NTM: variants seen among roughly 807,000 people sequenced by gnomAD.
NTM encodes the protein IgLON family member 2.
NTM carries 13 observed loss-of-function variants against 42.1 expected under a neutral mutation model. The ratio of observed to expected loss-of-function variants is 0.31; its 90% CI spans 0.20 to 0.49. The LOEUF (loss-of-function observed/expected upper bound fraction) is 0.49. Among genes scored for constraint, NTM ranks in the 20% least tolerant of loss-of-function variants. NTM has a pLI of 0.99. For synonymous variants in NTM, 187 were observed against 179.2 expected, an observed-to-expected ratio of 1.04 and a Z score of -0.35; for missense variants, 373 against 452.8, an observed-to-expected ratio of 0.82 and a Z score of 1.60.
intron 2 of NTM, among the ~76,000 whole-genome samples, chr11:132,075,955 G>A (rs1231711719): frequency 4.6e-5 from 7 of 152,114 alleles, no homozygotes; most frequent in Non-Finnish European, 1.0e-4. Context: ...GGTAAATGTC[G>A]ACAGCATTGG....
chr11:131,797,577 T>C (rs1333831668), intron 1 of NTM, among the ~76,000 whole-genome samples: 3 of 152,222 alleles, frequency 2.0e-5, no homozygotes, highest in African/African-American at 7.2e-5. Flanking sequence ...GTTCTTTTGC[T>C]GATGAAGGCA....
At chr11:131,933,335 C>T (rs1341208526) in intron 2 of NTM, among the ~76,000 whole-genome samples, 1 of 152,152 alleles carries the variant, frequency 6.6e-6, no homozygotes, top group East Asian at 1.9e-4. Context: ...TGCACTTGGC[C>T]GGTTTGTAAG....
At chr11:132,066,266 T>C (rs1419302235) in intron 2 of NTM, among the ~76,000 whole-genome samples, 1 of 152,238 alleles carries the variant, frequency 6.6e-6, no homozygotes, top group Admixed American at 6.5e-5. Flanking sequence ...TCTGTGAATC[T>C]TTCTCAGTCT....
intron 1 of NTM, among the ~76,000 whole-genome samples, chr11:131,550,581 T>C (rs2054534598): frequency 6.6e-6 from 1 of 152,226 alleles, no homozygotes; most frequent in South Asian, 2.1e-4. Context: ...TCTGCCATGA[T>C]TGTTAATTTT....
intron 1 of NTM, chr11:131,536,100 C>G (rs921353207): frequency 6.6e-6 from 1 of 152,178 alleles, no homozygotes; most frequent in South Asian, 2.1e-4. Context: ...TTCCCTAAGG[C>G]AGTTCCAATA....
chr11:131,896,025 T>C (rs113064757), intron 1 of NTM, among the ~76,000 whole-genome samples: 72 of 152,188 alleles, frequency 4.7e-4, no homozygotes, highest in Non-Finnish European at 9.3e-4. Flanking sequence ...GGGATACTTC[T>C]TGATTGTCAG....
intron 7 of NTM, 74 bp from the exon 8 acceptor site, chr11:132,330,079 A>G: frequency 6.5e-7 from 1 of 1,541,652 alleles, no homozygotes; most frequent in African/African-American, 1.4e-5. Flanking sequence ...TTCTTCCTGA[A>G]ATCATCTGAG....
At chr11:132,039,698 G>T (rs1296754098) in intron 2 of NTM, among the ~76,000 whole-genome samples, 2 of 152,114 alleles carry the variant, frequency 1.3e-5, no homozygotes, top group African/African-American at 4.8e-5. Flanking sequence ...GCCTGAACTG[G>T]AGGAAACAGA....
At chr11:131,443,478 G>A (rs756238099) in intron 1 of NTM, among the ~76,000 whole-genome samples, 4 of 152,146 alleles carry the variant, frequency 2.6e-5, no homozygotes, top group Admixed American at 1.3e-4. Context: ...AGCCTGTCCT[G>A]CAAGTAGTGA....
chr11:131,794,623 TTGAATGAA>T (rs112964113), intron 1 of NTM: 20 of 940,732 alleles, frequency 2.1e-5, no homozygotes, highest in Admixed American at 6.2e-5. Flanking sequence ...TGGATGAGTG[TTGAATGAA>T]TGAATGAATG....
Position 132,287,314 on chromosome 11 carries a change from T to TATGTATAGA in NTM, c.527-20371_527-20363dup, listed in dbSNP as rs375276543. Among the ~76,000 whole-genome samples, 560 of 152,288 alleles carry TATGTATAGA rather than the reference T, an allele frequency of 3.7e-3. 3 individuals carry two copies. Among genetic ancestry groups the TATGTATAGA allele is most frequent in the African/African-American group, 0.012 (517 of 41,564 alleles). Reference sequence around the variant, plus strand: ...TGTTTTCCAAACGCTTATTTTTCATTATGTATAGAATGAATAATGGAAGAC... The same window carrying TATGTATAGA: ...TGTTTTCCAAACGCTTATTTTTCATTATGTATAGAATGTATAGAATGAATAATGGAAGAC... On this transcript the variant is annotated intron_variant, in intron 4 of 8. Coordinates refer to ENST00000683400, the MANE Select transcript of NTM (RefSeq NM_001352005.2).
chr11:132,122,418 T>C (rs1024889237), intron 2 of NTM, among the ~76,000 whole-genome samples: 9 of 152,206 alleles, frequency 5.9e-5, no homozygotes, highest in African/African-American at 2.2e-4. Flanking sequence ...CTGGGGCTGT[T>C]AAAGTCAAAT....
intron 1 of NTM, among the ~76,000 whole-genome samples, chr11:131,451,006 A>G (rs1950442776): frequency 6.6e-6 from 1 of 152,132 alleles, no homozygotes; most frequent in Admixed American, 6.5e-5. Flanking sequence ...AGTTATGCCC[A>G]TTTCACACAG....
intron 6 of NTM, among the ~76,000 whole-genome samples, chr11:132,311,422 AG>A (rs1293139854): frequency 1.3e-5 from 2 of 152,210 alleles, no homozygotes; most frequent in African/African-American, 4.8e-5. Context: ...CCCATTTTAC[AG>A]ATGAAAGAAC....
intron 2 of NTM, among the ~76,000 whole-genome samples, chr11:132,138,667 G>A (rs1294207063): frequency 6.6e-6 from 1 of 151,340 alleles, no homozygotes; most frequent in East Asian, 2.0e-4. Flanking sequence ...TGTCTGTAGT[G>A]TAAGTTTCAG....
At chr11:132,193,254 C>T (rs546454739) in intron 3 of NTM, among the ~76,000 whole-genome samples, 3 of 152,092 alleles carry the variant, frequency 2.0e-5, no homozygotes, top group African/African-American at 7.2e-5. Flanking sequence ...ACACACTAAA[C>T]CATAAAGCAA....
chr11:131,563,734 C>T (rs1430639649), intron 1 of NTM, among the ~76,000 whole-genome samples: 1 of 152,070 alleles, frequency 6.6e-6, no homozygotes, highest in African/African-American at 2.4e-5. Context: ...GTCAAATGAA[C>T]CCCCTTCCCT....
chr11:131,868,190 C>T (rs1444917251), intron 1 of NTM, among the ~76,000 whole-genome samples: 3 of 152,184 alleles, frequency 2.0e-5, no homozygotes, highest in African/African-American at 7.2e-5. Context: ...CATCCTTTTG[C>T]TTTACAGATG....
chr11:131,820,730 A>C lies in NTM; in HGVS notation c.83-90834A>C, dbSNP rs145771745. 8.6e-4 allele frequency among the ~76,000 whole-genome samples: 131 copies of C among 152,316 alleles called. 1 individual carries two copies. Among genetic ancestry groups the C allele is most frequent in the African/African-American group, 2.9e-3 (122 of 41,564 alleles). On this transcript the variant is annotated intron_variant, in intron 1 of 8. Transcript: ENST00000683400. ...ACTTTTTTAAACTTATAAAGATATT[A>C]AATACCAGGTGTATTTCACGATCTG...
Sources: gnomAD v4.1 joint callset for allele counts (sites outside exome capture counted in the v4.1 genomes callset) on GRCh38, gnomAD v4.1.1 for gene constraint, MANE v1.5 for transcripts, NCBI Gene and HGNC (gene_info 2026-07-23, HGNC 2026-07-21) for gene names.